Variants in CACNA2D1 observed in about 807,000 individuals in gnomAD.
CACNA2D1 encodes voltage-dependent calcium channel subunit alpha-2/delta-1.
Under a neutral mutation model 171.5 loss-of-function variants are expected in CACNA2D1, and 53 were observed. The observed-to-expected ratio is 0.31, with a 90% CI of 0.25 to 0.39. CACNA2D1 has a LOEUF of 0.39. CACNA2D1 is among the 10% of genes least tolerant of loss of function. The pLI is 1.00. For missense variants in CACNA2D1, 903 were observed against 1,299.8 expected, an observed-to-expected ratio of 0.69 and a Z score of 4.69; for synonymous variants, 442 against 443.1, an observed-to-expected ratio of 1.00 and a Z score of 0.03.
At chr7:82,046,830 C>A (rs182525237) in intron 10 of CACNA2D1, among the ~76,000 whole-genome samples, 1 of 152,186 alleles carries the variant, frequency 6.6e-6, no homozygotes, top group Non-Finnish European at 1.5e-5. Context: ...CATTTTTAAA[C>A]AAATATTTCA....
rs190604094 is a variant in CACNA2D1, at chr7:82,098,272, T to A, written c.527-13372A>T. ...ATCAGTGACTGGTACACTTTAACAT[T>A]GTTTTCATTTAACTAAAATGGCAAA... On this transcript the variant is annotated intron_variant, in intron 6 of 38. Coordinates refer to ENST00000356860, the MANE Select transcript of CACNA2D1 (RefSeq NM_000722.4). 2.0e-3 allele frequency among the ~76,000 whole-genome samples: 306 copies of A among 152,326 alleles called. 1 individual carries two copies. Among genetic ancestry groups the A allele is most frequent in the African/African-American group, 6.7e-3 (277 of 41,580 alleles).
intron 1 of CACNA2D1, among the ~76,000 whole-genome samples, chr7:82,385,930 G>T (rs1461383857): frequency 6.6e-6 from 1 of 152,066 alleles, no homozygotes; most frequent in Non-Finnish European, 1.5e-5. Flanking sequence ...CTCCCAAATT[G>T]ATAGGATTAC....
chr7:82,105,213 C>T (rs957241136), intron 6 of CACNA2D1, among the ~76,000 whole-genome samples: 6 of 151,808 alleles, frequency 4.0e-5, no homozygotes, highest in African/African-American at 1.5e-4. Context: ...CAATCTTATT[C>T]TCATTTAAAA....
intron 1 of CACNA2D1, among the ~76,000 whole-genome samples, chr7:82,361,111 C>T (rs1024933266): frequency 1.3e-5 from 2 of 152,140 alleles, no homozygotes; most frequent in Non-Finnish European, 2.9e-5. Context: ...GAACACGGTT[C>T]TCTTTGACCC....
chr7:82,356,457 G>A (rs187420685), intron 1 of CACNA2D1, among the ~76,000 whole-genome samples: 19 of 151,934 alleles, frequency 1.3e-4, no homozygotes, highest in African/African-American at 2.4e-4. Context: ...AAATATTCTC[G>A]TCTCTCCACT....
intron 7 of CACNA2D1, among the ~76,000 whole-genome samples, chr7:82,077,843 G>T (rs1185144803): frequency 1.3e-5 from 2 of 151,526 alleles, no homozygotes; most frequent in Non-Finnish European, 2.9e-5. Flanking sequence ...GGCTCCACTG[G>T]TATCCCATTT....
At chr7:82,411,910 C>T (rs1213029802) in intron 1 of CACNA2D1, among the ~76,000 whole-genome samples, 3 of 151,750 alleles carry the variant, frequency 2.0e-5, no homozygotes, top group African/African-American at 7.3e-5. Context: ...CACACACACA[C>T]ACACACACAC....
chr7:82,064,679 G>A (rs1807389649), intron 8 of CACNA2D1, among the ~76,000 whole-genome samples: 1 of 151,924 alleles, frequency 6.6e-6, no homozygotes. Context: ...TTGACCACAG[G>A]TTTAAAAGTC....
At chr7:82,302,539 C>T in intron 3 of CACNA2D1, among the ~76,000 whole-genome samples, 1 of 151,818 alleles carries the variant, frequency 6.6e-6, no homozygotes, top group East Asian at 1.9e-4. Context: ...CTCAGCCTCC[C>T]CAGTAGCTGG....
At chr7:82,420,932 T>C (rs1357812742) in intron 1 of CACNA2D1, among the ~76,000 whole-genome samples, 1 of 152,178 alleles carries the variant, frequency 6.6e-6, no homozygotes, top group Non-Finnish European at 1.5e-5. Flanking sequence ...TTCAAGTCCA[T>C]ATCCTTCAAA....
At chr7:82,201,623 C>T (rs1203308551) in intron 3 of CACNA2D1, among the ~76,000 whole-genome samples, 3 of 152,152 alleles carry the variant, frequency 2.0e-5, no homozygotes, top group African/African-American at 7.2e-5. Flanking sequence ...TTACAGCTGC[C>T]CCTTCTCTAA....
intron 3 of CACNA2D1, among the ~76,000 whole-genome samples, chr7:82,298,287 A>T (rs1351187379): frequency 6.6e-6 from 1 of 152,182 alleles, no homozygotes; most frequent in Non-Finnish European, 1.5e-5. Flanking sequence ...TATATATAAA[A>T]GGACTAGAAC....
intron 3 of CACNA2D1, among the ~76,000 whole-genome samples, chr7:82,214,983 A>G (rs1297888172): frequency 1.3e-5 from 2 of 152,220 alleles, no homozygotes; most frequent in Non-Finnish European, 2.9e-5. Flanking sequence ...TAATGAAAGC[A>G]TTTAGCCATA....
At chr7:82,046,386 G>A (rs1033433609) in intron 10 of CACNA2D1, among the ~76,000 whole-genome samples, 2 of 152,072 alleles carry the variant, frequency 1.3e-5, no homozygotes, top group Admixed American at 6.6e-5. Context: ...TCAAGTTGAC[G>A]GTGCTGTTCC....
At chr7:82,428,464 G>C (rs1191076224) in intron 1 of CACNA2D1, among the ~76,000 whole-genome samples, 1 of 152,184 alleles carries the variant, frequency 6.6e-6, no homozygotes, top group African/African-American at 2.4e-5. Flanking sequence ...TCCCATTCCA[G>C]AGATTTTCCC....
intron 12 of CACNA2D1, among the ~76,000 whole-genome samples, chr7:82,016,047 G>A (rs898435851): frequency 1.3e-5 from 2 of 152,186 alleles, no homozygotes; most frequent in Admixed American, 1.3e-4. Flanking sequence ...GTGAATGACA[G>A]AAGTTGGTTT....
At chr7:82,335,779 A>G (rs968339587) in intron 2 of CACNA2D1, among the ~76,000 whole-genome samples, 6 of 152,234 alleles carry the variant, frequency 3.9e-5, no homozygotes, top group African/African-American at 1.4e-4. Flanking sequence ...GATGAAGGTC[A>G]TTAAGGTTTT....
At chr7:82,248,416 T>A (rs961372948) in intron 3 of CACNA2D1, among the ~76,000 whole-genome samples, 3 of 152,146 alleles carry the variant, frequency 2.0e-5, no homozygotes, top group Non-Finnish European at 2.9e-5. Flanking sequence ...GTGACCCCAT[T>A]TGAACTGTGC....
intron 10 of CACNA2D1, among the ~76,000 whole-genome samples, chr7:82,040,746 G>A (rs1032034670): frequency 6.6e-5 from 10 of 152,034 alleles, no homozygotes; most frequent in South Asian, 2.1e-4. Context: ...AGGCCAAGAC[G>A]GGTGGATCAC....
Sources: gnomAD v4.1 joint callset for allele counts (sites outside exome capture counted in the v4.1 genomes callset) on GRCh38, gnomAD v4.1.1 for gene constraint, MANE v1.5 for transcripts, NCBI Gene and HGNC (gene_info 2026-07-23, HGNC 2026-07-21) for gene names.